The following PTPRS variants were observed in gnomAD, a reference collection of about 807,000 sequenced individuals.
PTPRS encodes the protein protein tyrosine phosphatase receptor type S, also known as receptor-type tyrosine-protein phosphatase S.
Under a neutral mutation model 215.3 loss-of-function variants are expected in PTPRS, and 63 were observed. The ratio of observed to expected loss-of-function variants is 0.29; its 90% confidence interval spans 0.24 to 0.36. PTPRS has a LOEUF of 0.36. Ranked by LOEUF, PTPRS falls within the 10% of genes least tolerant of loss-of-function variation. The pLI, the probability that PTPRS is intolerant of heterozygous loss-of-function variation, is 1.00. For missense variants in PTPRS, 2,258 were observed against 2,825.8 expected, an observed-to-expected ratio of 0.80 and a Z score of 4.56; for synonymous variants, 1,404 against 1,191.4, an observed-to-expected ratio of 1.18 and a Z score of -3.68.
At chr19:5,307,919 C>T (rs2049552938) in intron 1 of PTPRS, among the ~76,000 whole-genome samples, 2 of 152,274 alleles carry the variant, frequency 1.3e-5, no homozygotes, top group East Asian at 1.9e-4. Context: ...GCTGCTTTCA[C>T]GCTCCAATGG....
At chr19:5,320,018 T>C (rs1355915458) in intron 1 of PTPRS, among the ~76,000 whole-genome samples, 1 of 152,148 alleles carries the variant, frequency 6.6e-6, no homozygotes, top group East Asian at 1.9e-4. Context: ...CAGAGCCTGG[T>C]GGACAGGAGG....
intron 4 of PTPRS, among the ~76,000 whole-genome samples, chr19:5,269,939 A>C (rs1245628392): frequency 4.0e-5 from 6 of 151,394 alleles, no homozygotes; most frequent in Non-Finnish European, 7.4e-5. Context: ...AAAAAAAAAA[A>C]AAAGAGTGTG....
At chr19:5,229,135 C>CAT (rs2042778992) in intron 16 of PTPRS, among the ~76,000 whole-genome samples, 181 bp downstream of exon 16, 2 of 152,238 alleles carry the variant, frequency 1.3e-5, no homozygotes, top group Admixed American at 1.3e-4. Context: ...TATCCCATTT[C>CAT]CCTGGTGCAA....
chr19:5,270,296 C>G (rs139759245), intron 4 of PTPRS, among the ~76,000 whole-genome samples: 9 of 144,928 alleles, frequency 6.2e-5, no homozygotes, highest in South Asian at 2.4e-4. Flanking sequence ...CCCTCCCCCC[C>G]ACCCCCCTTT....
chr19:5,275,603 C>T (rs892501728), intron 2 of PTPRS, among the ~76,000 whole-genome samples: 4 of 151,748 alleles, frequency 2.6e-5, no homozygotes, highest in Non-Finnish European at 4.4e-5. Flanking sequence ...GTCAGCAGTT[C>T]GAGACCAGCC....
At chr19:5,216,147 G>T (rs2041425661) in intron 26 of PTPRS, among the ~76,000 whole-genome samples, 1 of 152,142 alleles carries the variant, frequency 6.6e-6, no homozygotes, top group Admixed American at 6.5e-5. Context: ...TGAGAGGAGT[G>T]AGGGGTCCCC....
Position 5,219,983 on chromosome 19 carries a change from G to A in PTPRS, c.3721C>T (p.Arg1241Cys), listed in dbSNP as rs201990407. ...ACGGCAAGCACGAAGAGGACATAGC[G>A]GTGGCCGGGCTCCAGGCCCCGGTTA... Reference protein sequence around the residue: ...FDNRGLEPGHRYVLFVLAVLQ... With the variant: ...FDNRGLEPGHCYVLFVLAVLQ... The change falls in exon 22 of 38, where the codon CGC becomes TGC. Residue 1241 changes from arginine to cysteine, a missense_variant. Physicochemically the swap from Arg to Cys is radical, Grantham distance 180. Coordinates refer to ENST00000262963, the MANE Select transcript of PTPRS (RefSeq NM_002850.4). 1.2e-4 allele frequency: 197 copies of A among 1,613,882 alleles called. 1 individual carries two copies. The highest frequency in any genetic ancestry group is 4.9e-4 in the Middle Eastern group (3 of 6,062).
At chr19:5,220,925 G>A in intron 20 of PTPRS, 75 bp downstream of exon 20, 3 of 1,500,304 alleles carry the variant, frequency 2.0e-6, no homozygotes, top group East Asian at 2.3e-5. Context: ...GCACAGAGAG[G>A]GCACGTGGCT....
At chr19:5,278,027 C>G in intron 2 of PTPRS, 4 of 1,200,850 alleles carry the variant, frequency 3.3e-6, no homozygotes, top group African/African-American at 1.5e-5. Context: ...GTGCTGAGAT[C>G]GCTCACAGTG....
At chr19:5,300,813 A>AAT (rs779643069) in intron 1 of PTPRS, among the ~76,000 whole-genome samples, 3 of 151,854 alleles carry the variant, frequency 2.0e-5, no homozygotes, top group South Asian at 4.1e-4. Flanking sequence ...AAAGCGGTAA[A>AAT]ATATATATAA....
At chr19:5,308,855 C>A (rs2049591357) in intron 1 of PTPRS, among the ~76,000 whole-genome samples, 1 of 152,192 alleles carries the variant, frequency 6.6e-6, no homozygotes, top group South Asian at 2.1e-4. Context: ...GTTCTTGGCC[C>A]GGATCCTAAA....
intron 4 of PTPRS, among the ~76,000 whole-genome samples, chr19:5,272,404 C>T (rs1419421834): frequency 6.6e-6 from 1 of 151,302 alleles, no homozygotes; most frequent in East Asian, 1.9e-4. Context: ...TTGAGACCAC[C>T]CTGGCCAACA....
At chr19:5,336,266 G>A (rs753922657) in intron 1 of PTPRS, among the ~76,000 whole-genome samples, 12,576 of 135,798 alleles carry the variant, frequency 0.093, 900 homozygotes, top group African/African-American at 0.18. Context: ...AAGGAAAAGG[G>A]GGGGGGGCGG....
At chr19:5,286,420 G>C (rs2048355837) in intron 1 of PTPRS, 186 bp from the exon 2 acceptor site, 1 of 458,696 alleles carries the variant, frequency 2.2e-6, no homozygotes, top group African/African-American at 2.0e-5. Flanking sequence ...TAGAATTAAG[G>C]TGTCTCCCCC....
chr19:5,252,443 G>A lies in PTPRS; in HGVS notation c.718+3665C>T, dbSNP rs796288709. 1.5e-4 allele frequency among the ~76,000 whole-genome samples: 23 copies of A among 152,014 alleles called. 1 individual carries two copies. Among genetic ancestry groups the A allele is most frequent in the African/African-American group, 4.1e-4 (17 of 41,400 alleles). ...AATACAAAAATTATCTGAGCGTGGT[G>A]CCAGGTGCCTGTAATCCCAGCTACT... On this transcript the variant is annotated intron_variant, in intron 9 of 37. Transcript: ENST00000262963.
chr19:5,250,071 G>A (rs533319840), intron 9 of PTPRS, among the ~76,000 whole-genome samples: 1 of 152,308 alleles, frequency 6.6e-6, no homozygotes, highest in African/African-American at 2.4e-5. Context: ...ATCAACAGCA[G>A]TAATTTTAGG....
chr19:5,240,461 G>A lies in PTPRS; in HGVS notation c.1571-129C>T, dbSNP rs2043937082. 1.9e-5 allele frequency: 18 copies of A among 957,782 alleles called. No individual in the cohort carries two copies. In the South Asian group the frequency reaches 3.8e-4, roughly 20 times the overall value. The allele number at this position is 957,782 out of a possible 1,614,324, so 59.3% of individuals were successfully genotyped here. A position where few individuals can be genotyped will look rare whatever the true frequency, so the allele number is the denominator to read the frequency against. ...TTCTAGAATGTTCTTTTATTTTCCT[G>A]GGGACCTCGCCCCCATCCCATTGTC... On this transcript the variant is annotated intron_variant, in intron 11 of 37. Coordinates refer to ENST00000262963, the MANE Select transcript of PTPRS (RefSeq NM_002850.4).
At chr19:5,261,617 C>T (rs1473355049) in intron 6 of PTPRS, among the ~76,000 whole-genome samples, 1 of 152,158 alleles carries the variant, frequency 6.6e-6, no homozygotes, top group Non-Finnish European at 1.5e-5. Context: ...CCCAAGACCT[C>T]GATCTGCCAG....
At chr19:5,313,564 T>A (rs977618220) in intron 1 of PTPRS, among the ~76,000 whole-genome samples, 11 of 151,620 alleles carry the variant, frequency 7.3e-5, no homozygotes, top group Non-Finnish European at 1.3e-4. Flanking sequence ...TGAGCCAGAG[T>A]CAACGGGGAC....
Sources: gnomAD v4.1 joint callset for allele counts (sites outside exome capture counted in the v4.1 genomes callset) on GRCh38, gnomAD v4.1.1 for gene constraint, MANE v1.5 for transcripts, NCBI Gene and HGNC (gene_info 2026-07-23, HGNC 2026-07-21) for gene names.